ZBBX: variants seen among roughly 807,000 people sequenced by gnomAD.
ZBBX encodes zinc finger B-box domain-containing protein 1.
ZBBX carries 101 observed loss-of-function variants against 108.5 expected under a neutral mutation model. The observed-to-expected ratio is 0.93, with a 90% CI of 0.79 to 1.10. The LOEUF (loss-of-function observed/expected upper bound fraction) is 1.10. ZBBX is among the 50% of genes least tolerant of loss of function. The pLI, the probability that ZBBX is intolerant of heterozygous loss-of-function variation, is 0.00. For synonymous variants in ZBBX, 356 were observed against 323.4 expected (o/e 1.10, Z -1.08); for missense variants, 1,009 against 941.4 (o/e 1.07, Z -0.94).
intron 19 of ZBBX, among the ~76,000 whole-genome samples, chr3:167,286,473 TTCAC>T (rs901042496): frequency 2.0e-5 from 3 of 152,080 alleles, no homozygotes; most frequent in Non-Finnish European, 4.4e-5. Flanking sequence ...GTAAAAACAA[TTCAC>T]TCACTGACTA....
intron 8 of ZBBX, among the ~76,000 whole-genome samples, chr3:167,351,564 G>A (rs752541114): frequency 2.6e-5 from 4 of 152,130 alleles, no homozygotes; most frequent in Non-Finnish European, 4.4e-5. Flanking sequence ...TTCCTACCAT[G>A]GACCTCTGCA....
chr3:167,224,245 T>C, the ZBBX span, among the ~76,000 whole-genome samples: 1 of 151,984 alleles, frequency 6.6e-6, no homozygotes, highest in African/African-American at 2.4e-5. Flanking sequence ...GATTTATACG[T>C]GCTTACTTCC....
intron 1 of ZBBX, among the ~76,000 whole-genome samples, chr3:167,397,304 T>C (rs916848414): frequency 6.6e-6 from 1 of 151,822 alleles, no homozygotes; most frequent in Non-Finnish European, 1.5e-5. Flanking sequence ...AACCCCACCC[T>C]GAGTTTGTCA....
At chr3:167,209,671 G>C in the ZBBX span, among the ~76,000 whole-genome samples, 2 of 152,182 alleles carry the variant, frequency 1.3e-5, no homozygotes, top group Non-Finnish European at 2.9e-5. Flanking sequence ...TTAATGTCCA[G>C]ACACTGACGA....
chr3:167,328,018 A>AAAGGACTGTGCAGAAGCTTC lies in ZBBX; in HGVS notation c.766_785dup (p.Phe262LeufsTer12). ...TTCTCCATTGACTTAACACTTCCTG[A>AAAGGACTGTGCAGAAGCTTC]AAGGACTGTGCAGAAGCTTCTTCAT... On this transcript the variant is annotated frameshift_variant, in exon 11 of 22. Transcript: ENST00000675490. LOFTEE classifies it high-confidence loss of function. 1 of 1,613,316 alleles carries AAAGGACTGTGCAGAAGCTTC rather than the reference A, an allele frequency of 6.2e-7. No homozygotes were observed. The highest frequency in any genetic ancestry group is 8.5e-7 in the Non-Finnish European group (1 of 1,179,880).
intron 17 of ZBBX, 108 bp from the exon 18 acceptor site, chr3:167,298,566 T>C: frequency 1.3e-6 from 1 of 793,774 alleles, no homozygotes; most frequent in Non-Finnish European, 1.8e-6. Context: ...GCACAAATTC[T>C]TCCCTCATCA....
intron 20 of ZBBX, among the ~76,000 whole-genome samples, chr3:167,274,082 G>A (rs543954355): frequency 1.3e-5 from 2 of 152,314 alleles, no homozygotes; most frequent in South Asian, 4.1e-4. Flanking sequence ...AAAAGGTGGA[G>A]TTTGTATTAT....
chr3:167,295,704 A>T (rs1731523558), intron 18 of ZBBX, among the ~76,000 whole-genome samples: 1 of 129,192 alleles, frequency 7.7e-6, no homozygotes, highest in Non-Finnish European at 1.6e-5. Context: ...AGAAACAAAA[A>T]ATTGGAATAT....
intron 9 of ZBBX, among the ~76,000 whole-genome samples, chr3:167,348,261 G>GGGAAGGGAGGAAGGAAGGAA (rs1741870882): frequency 1.3e-5 from 1 of 74,684 alleles, no homozygotes; most frequent in African/African-American, 5.2e-5. Flanking sequence ...GAGGGTGGAA[G>GGGAAGGGAGGAAGGAAGGAA]GGAAGGAAGG....
chr3:167,233,610 T>A, the ZBBX span, among the ~76,000 whole-genome samples: 1 of 151,770 alleles, frequency 6.6e-6, no homozygotes, highest in Non-Finnish European at 1.5e-5. Flanking sequence ...CTTCTGAGAT[T>A]TCTACACAAT....
chr3:167,385,746 G>T (rs555838872), intron 1 of ZBBX, among the ~76,000 whole-genome samples: 2 of 151,904 alleles, frequency 1.3e-5, no homozygotes, highest in Admixed American at 1.3e-4. Flanking sequence ...ACAGAGTCAG[G>T]ATCATCAAGA....
the ZBBX span, among the ~76,000 whole-genome samples, chr3:167,204,783 C>T: frequency 6.6e-6 from 1 of 151,886 alleles, no homozygotes; most frequent in Admixed American, 6.6e-5. Context: ...GGTTCTAGAA[C>T]TAGAAAAATC....
intron 1 of ZBBX, among the ~76,000 whole-genome samples, chr3:167,388,503 T>C (rs1747988964): frequency 6.6e-6 from 1 of 151,898 alleles, no homozygotes; most frequent in South Asian, 2.1e-4. Flanking sequence ...ATTAATGCAA[T>C]CTTCCAGAAA....
chr3:167,216,743 A>G, the ZBBX span, among the ~76,000 whole-genome samples: 1 of 152,210 alleles, frequency 6.6e-6, no homozygotes, highest in Admixed American at 6.5e-5. Flanking sequence ...TACAGTGACC[A>G]AAATAGCATG....
intron 20 of ZBBX, among the ~76,000 whole-genome samples, chr3:167,258,073 C>T (rs147957749): frequency 0.013 from 1,902 of 152,108 alleles, 42 homozygotes; most frequent in African/African-American, 0.043. Context: ...GAAATGCTTG[C>T]CTAAGCCAAT....
At chr3:167,335,418 G>A (rs542975583) in intron 9 of ZBBX, among the ~76,000 whole-genome samples, 1 of 152,158 alleles carries the variant, frequency 6.6e-6, no homozygotes, top group East Asian at 1.9e-4. Flanking sequence ...AGTCTGCCTA[G>A]GGACTGCAGG....
chr3:167,308,782 C>T (rs1734091446), intron 16 of ZBBX, among the ~76,000 whole-genome samples: 1 of 152,132 alleles, frequency 6.6e-6, no homozygotes, highest in Non-Finnish European at 1.5e-5. Context: ...GGGAACAACA[C>T]ACACTGGGGC....
At chr3:167,396,336 G>C (rs150345577) in intron 1 of ZBBX, among the ~76,000 whole-genome samples, 4 of 151,970 alleles carry the variant, frequency 2.6e-5, no homozygotes, top group Admixed American at 2.0e-4. Flanking sequence ...GAGTGATTGA[G>C]AGAATCAGGA....
chr3:167,299,945 A>T (rs1732349643), intron 17 of ZBBX, among the ~76,000 whole-genome samples: 1 of 152,116 alleles, frequency 6.6e-6, no homozygotes, highest in Non-Finnish European at 1.5e-5. Flanking sequence ...GCTCCCCTCC[A>T]CCTGCTTTTC....
Sources: allele counts gnomAD v4.1 joint callset (sites outside exome capture counted in the v4.1 genomes callset), GRCh38; gene constraint gnomAD v4.1.1; transcripts MANE v1.5; gene names NCBI Gene and HGNC (gene_info 2026-07-23, HGNC 2026-07-21).